ST7: variants seen among roughly 807,000 people sequenced by gnomAD.
The protein encoded by ST7 is suppression of tumorigenicity 7, also known as suppressor of tumorigenicity 7 protein.
In ST7, 28 loss-of-function variants were observed where a neutral mutation model predicts 78.7. That is an observed-to-expected ratio of 0.36 (90% CI 0.26 to 0.49). The LOEUF is 0.49. ST7 is among the 20% of genes least tolerant of loss of function. ST7 has a pLI of 0.99. For synonymous variants in ST7, 247 were observed against 249.6 expected (o/e 0.99, Z 0.10); for missense variants, 418 against 696.0 (o/e 0.60, Z 4.49).
chr7:117,171,876 G>A (rs1808016943), intron 10 of ST7, among the ~76,000 whole-genome samples: 2 of 150,638 alleles, frequency 1.3e-5, no homozygotes, highest in African/African-American at 4.9e-5. Context: ...AGCATCTTCA[G>A]TGCATTTAAA....
At chr7:117,028,304 T>C (rs1796307938) in intron 1 of ST7, among the ~76,000 whole-genome samples, 1 of 152,358 alleles carries the variant, frequency 6.6e-6, no homozygotes, top group Admixed American at 6.5e-5. Flanking sequence ...AATACTGATA[T>C]AATTTCAGGA....
chr7:117,134,063 ACT>A (rs928344459), intron 6 of ST7, 59 bp from the exon 7 acceptor site: 4 of 1,597,712 alleles, frequency 2.5e-6, no homozygotes, highest in Non-Finnish European at 3.4e-6. Context: ...TGACATAGTG[ACT>A]CTCTCTGAAT....
intron 12 of ST7, among the ~76,000 whole-genome samples, chr7:117,193,811 ATCT>A (rs2117418939): frequency 6.6e-6 from 1 of 152,372 alleles, no homozygotes; most frequent in South Asian, 2.1e-4. Context: ...CATAATTGTC[ATCT>A]TCTCTGAGGG....
rs745530832 is a variant in ST7 at position 116,979,958 on chromosome 7, C to CTTTTTT, written c.151+26279_151+26284dup. 1.5e-3 allele frequency among the ~76,000 whole-genome samples: 127 copies of CTTTTTT among 86,234 alleles called. 7 individuals are homozygous for CTTTTTT. Among genetic ancestry groups the CTTTTTT allele is most frequent in the African/African-American group, 5.3e-3 (119 of 22,500 alleles). 56.6% of individuals were successfully genotyped at this position (86,234 alleles called of 152,430 possible). ...CCTTTTTTCTTTTTCTTTTGTTTCT[C>CTTTTTT]TTTTTTTTTTTTTTTTTGGAGACAG... On this transcript the variant is annotated intron_variant, in intron 1 of 15. Transcript: ENST00000323984.
chr7:116,967,102 G>A (rs1793154892), intron 1 of ST7, among the ~76,000 whole-genome samples: 1 of 148,084 alleles, frequency 6.8e-6, no homozygotes, highest in South Asian at 2.1e-4. Context: ...TTTGCTATTT[G>A]TGAGTTTCTA....
At chr7:116,967,116 CTCT>C (rs1235702660) in intron 1 of ST7, among the ~76,000 whole-genome samples, 11 of 121,410 alleles carry the variant, frequency 9.1e-5, no homozygotes, top group African/African-American at 2.9e-5. Flanking sequence ...GTTTCTATCA[CTCT>C]TTTTTTTTTT....
chr7:117,039,597 T>A (rs891456233), intron 1 of ST7, among the ~76,000 whole-genome samples: 39 of 150,864 alleles, frequency 2.6e-4, no homozygotes, highest in East Asian at 1.2e-3. Flanking sequence ...AAAAAAAAAA[T>A]TTTATCCAAA....
chr7:117,085,344 G>A (rs1028425250), intron 1 of ST7, among the ~76,000 whole-genome samples: 1 of 152,098 alleles, frequency 6.6e-6, no homozygotes, highest in African/African-American at 2.4e-5. Context: ...CTGTGATGAA[G>A]CTGAGAAATG....
At chr7:117,074,845 A>G (rs1032756068) in intron 1 of ST7, 5 of 152,226 alleles carry the variant, frequency 3.3e-5, no homozygotes, top group African/African-American at 1.2e-4. Flanking sequence ...GCCAGTAAGC[A>G]GTGGTGCTAT....
chr7:117,179,194 A>G (rs1443660736), intron 10 of ST7, among the ~76,000 whole-genome samples: 1 of 152,224 alleles, frequency 6.6e-6, no homozygotes, highest in Non-Finnish European at 1.5e-5. Flanking sequence ...AACGTACAAC[A>G]CTGATCAATT....
chr7:117,093,785 G>T (rs1222675973), intron 1 of ST7, among the ~76,000 whole-genome samples: 1 of 152,142 alleles, frequency 6.6e-6, no homozygotes, highest in Non-Finnish European at 1.5e-5. Flanking sequence ...GCCGTATTAG[G>T]CACTTTATCT....
chr7:116,966,670 A>C (rs1261748079), intron 1 of ST7, among the ~76,000 whole-genome samples: 2 of 152,242 alleles, frequency 1.3e-5, no homozygotes, highest in Admixed American at 6.5e-5. Context: ...AAAACATGGC[A>C]GCTAGACAGG....
intron 1 of ST7, among the ~76,000 whole-genome samples, chr7:117,064,139 T>C (rs1798504030): frequency 6.6e-6 from 1 of 152,186 alleles, no homozygotes. Context: ...ACTACCTTTT[T>C]CTATTGAAGA....
At chr7:117,047,327 A>T (rs1199738814) in intron 1 of ST7, among the ~76,000 whole-genome samples, 1 of 152,138 alleles carries the variant, frequency 6.6e-6, no homozygotes, top group Non-Finnish European at 1.5e-5. Context: ...AGAACCTGGG[A>T]ATTGTGTGTT....
At chr7:117,030,595 A>G (rs1280486700) in intron 1 of ST7, among the ~76,000 whole-genome samples, 2 of 152,350 alleles carry the variant, frequency 1.3e-5, no homozygotes, top group South Asian at 4.1e-4. Flanking sequence ...AATGGTCAAT[A>G]TCACTAATCA....
chr7:117,097,021 A>G (rs2116756821), intron 1 of ST7, among the ~76,000 whole-genome samples: 1 of 152,144 alleles, frequency 6.6e-6, no homozygotes, highest in South Asian at 2.1e-4. Flanking sequence ...TGGAATCTTT[A>G]TTTTTAATCT....
chr7:117,063,891 T>A (rs1445240975), intron 1 of ST7, among the ~76,000 whole-genome samples: 1 of 152,224 alleles, frequency 6.6e-6, no homozygotes, highest in East Asian at 1.9e-4. Context: ...GTGCCATTTA[T>A]AGCAATTCCC....
chr7:117,057,072 T>C (rs1040804372), intron 1 of ST7, among the ~76,000 whole-genome samples: 3 of 152,296 alleles, frequency 2.0e-5, no homozygotes, highest in Admixed American at 2.0e-4. Flanking sequence ...AGCTGTAGAT[T>C]TAGTTTTCAT....
chr7:117,161,591 C>CTTTTTTTTTTTTTTTTTTTTTTT (rs60505994), intron 9 of ST7, among the ~76,000 whole-genome samples: 5 of 113,594 alleles, frequency 4.4e-5, no homozygotes, highest in South Asian at 2.9e-4. Context: ...TTCTTTCTTT[C>CTTTTTTTTTTTTTTTTTTTTTTT]TTTTTTTTTT....
Sources: gnomAD v4.1 joint callset for allele counts (sites outside exome capture counted in the v4.1 genomes callset) on GRCh38, gnomAD v4.1.1 for gene constraint, MANE v1.5 for transcripts, NCBI Gene and HGNC (gene_info 2026-07-23, HGNC 2026-07-21) for gene names.